The following MGAT5 variants were observed in gnomAD, a reference collection of about 807,000 sequenced individuals.
MGAT5 encodes the protein alpha-1,6-mannosylglycoprotein 6-beta-N-acetylglucosaminyltransferase.
MGAT5 carries 30 observed loss-of-function variants against 94.3 expected under a neutral mutation model. The ratio of observed to expected loss-of-function variants is 0.32; its 90% CI spans 0.24 to 0.43. The LOEUF (loss-of-function observed/expected upper bound fraction) is 0.43. Ranked by LOEUF, MGAT5 falls within the 20% of genes least tolerant of loss-of-function variation. The pLI is 1.00. For missense variants in MGAT5, 691 were observed against 905.5 expected (o/e 0.76, Z 3.04); for synonymous variants, 310 against 322.9 (o/e 0.96, Z 0.43).
In MGAT5 at chr2:134,164,009, GC is replaced by G. The variant is rs1447346106; in HGVS notation, c.-143+43719del. 3.9e-5 allele frequency among the ~76,000 whole-genome samples: 6 copies of G among 152,320 alleles called. No individual in the cohort carries two copies. In the South Asian group the frequency reaches 6.2e-4, roughly 16 times the overall value. ...AATGAACAACAGAGAGAGAAGAAAT[GC>G]AGTGTGTAGGGAACCTGCAGGTGGT... On this transcript the variant is annotated intron_variant, in intron 1 of 16. Coordinates refer to the MGAT5 transcript ENST00000409645.
intron 2 of MGAT5, among the ~76,000 whole-genome samples, chr2:134,275,939 A>G (rs1189045693): frequency 6.6e-6 from 1 of 152,096 alleles, no homozygotes; most frequent in African/African-American, 2.4e-5. Context: ...GCATCCTACA[A>G]TATATAAGAC....
At chr2:134,411,938 A>G (rs1683689130) in intron 11 of MGAT5, among the ~76,000 whole-genome samples, 1 of 152,174 alleles carries the variant, frequency 6.6e-6, no homozygotes, top group South Asian at 2.1e-4. Context: ...ACAGGCTTTT[A>G]TGTGGGTAGA....
At chr2:134,421,607 A>T (rs1684297609) in intron 12 of MGAT5, among the ~76,000 whole-genome samples, 1 of 151,976 alleles carries the variant, frequency 6.6e-6, no homozygotes, top group Non-Finnish European at 1.5e-5. Context: ...AAAAAACTAG[A>T]TTCTCTAAGC....
intron 6 of MGAT5, among the ~76,000 whole-genome samples, chr2:134,340,386 G>A (rs558621771): frequency 2.0e-5 from 3 of 152,132 alleles, no homozygotes; most frequent in East Asian, 1.9e-4. Flanking sequence ...GACTAGGATC[G>A]TGTCAAAAGA....
chr2:134,261,812 T>A (rs1683357384), intron 1 of MGAT5, among the ~76,000 whole-genome samples: 1 of 152,206 alleles, frequency 6.6e-6, no homozygotes, highest in Non-Finnish European at 1.5e-5. Context: ...CATGAATGAA[T>A]AGCAGCAGCC....
Position 134,412,909 on chromosome 2 carries a change from C to CG in MGAT5, c.1571_1572insG (p.Leu525ProfsTer44). 6.2e-7 allele frequency: 1 copy of CG among 1,614,096 alleles called. No homozygotes were observed. The highest frequency in any genetic ancestry group is 8.5e-7 in the Non-Finnish European group (1 of 1,180,002). Reference sequence around the variant, plus strand: ...GGGTTCCCTTACGAGGGCCCAGCTCCCCTGGAAGCTATCGCAAATGGATGT... The same window carrying CG: ...GGGTTCCCTTACGAGGGCCCAGCTCCGCCTGGAAGCTATCGCAAATGGATGT... On this transcript the variant is annotated frameshift_variant, in exon 12 of 16. Transcript: ENST00000281923. LOFTEE classifies it high-confidence loss of function.
chr2:134,401,877 G>C (rs922374417), intron 10 of MGAT5, among the ~76,000 whole-genome samples: 2 of 152,130 alleles, frequency 1.3e-5, no homozygotes, highest in East Asian at 3.9e-4. Context: ...CTGAAGTTGA[G>C]GGTCCTTTGT....
chr2:134,444,310 G>T (rs961217881), intron 15 of MGAT5, among the ~76,000 whole-genome samples: 2 of 152,204 alleles, frequency 1.3e-5, no homozygotes, highest in Non-Finnish European at 2.9e-5. Flanking sequence ...AAAGGACTTG[G>T]CGTGGGGCTG....
intron 1 of MGAT5, chr2:134,120,308 C>T (rs2104854381): frequency 2.6e-6 from 1 of 391,600 alleles, no homozygotes; most frequent in Non-Finnish European, 4.5e-6. Flanking sequence ...GCTGCCGGAT[C>T]CGGGTGATCG....
upstream of MGAT5, among the ~76,000 whole-genome samples, chr2:134,249,320 A>G (rs978318202): frequency 4.0e-5 from 6 of 151,844 alleles, no homozygotes; most frequent in African/African-American, 1.5e-4. Flanking sequence ...GTATGTCCAC[A>G]GAATTATGCT....
chr2:134,384,055 T>C (rs982595891), intron 10 of MGAT5, among the ~76,000 whole-genome samples: 2 of 152,164 alleles, frequency 1.3e-5, no homozygotes, highest in Admixed American at 6.5e-5. Flanking sequence ...AAAAATTTTA[T>C]GTAATTCACA....
chr2:134,249,512 GT>G (rs1388517904), upstream of MGAT5, among the ~76,000 whole-genome samples: 19 of 152,076 alleles, frequency 1.2e-4, no homozygotes, highest in Non-Finnish European at 2.4e-4. Flanking sequence ...TGCAATATGT[GT>G]TTTTTTGTTA....
At chr2:134,293,104 C>T (rs1249909262) in intron 2 of MGAT5, among the ~76,000 whole-genome samples, 2 of 152,214 alleles carry the variant, frequency 1.3e-5, no homozygotes, top group East Asian at 3.8e-4. Flanking sequence ...GTAGCCTATT[C>T]TCATTTCATT....
intron 2 of MGAT5, among the ~76,000 whole-genome samples, chr2:134,286,082 C>T (rs1209422721): frequency 6.6e-6 from 1 of 152,012 alleles, no homozygotes; most frequent in Non-Finnish European, 1.5e-5. Flanking sequence ...TGTGCCAAGC[C>T]ACACATCAGT....
chr2:134,355,332 A>G (rs570678626), intron 9 of MGAT5, among the ~76,000 whole-genome samples: 2 of 147,762 alleles, frequency 1.4e-5, no homozygotes, highest in Non-Finnish European at 3.0e-5. Context: ...TTTCCACTTA[A>G]TATATCATCT....
rs1686233507 is a variant in MGAT5 at position 134,454,000 on chromosome 2, T to C, written c.*5153T>C. 1 of 152,194 alleles carries C rather than the reference T, an allele frequency of 6.6e-6. No individual in the cohort carries two copies. The highest frequency in any genetic ancestry group is 2.4e-5 in the African/African-American group (1 of 41,430). The allele number at this position is 152,194 out of a possible 1,614,324, so 9.4% of individuals were successfully genotyped here. The stretch of plus-strand genomic sequence containing the variant: ...TTCGTCAAATTCCTTTGGATTCTGT[T>C]CCGCCAAATCAGCAGTCTCGTCCTG... On this transcript the variant is annotated 3_prime_UTR_variant, in exon 16 of 16. Transcript: ENST00000281923.
At chr2:134,403,483 T>C (rs1477302672) in intron 11 of MGAT5, among the ~76,000 whole-genome samples, 1 of 152,226 alleles carries the variant, frequency 6.6e-6, no homozygotes, top group African/African-American at 2.4e-5. Flanking sequence ...CCAGGGGTGC[T>C]GAACTCTTCC....
chr2:134,385,674 A>G (rs1329108234), intron 10 of MGAT5, among the ~76,000 whole-genome samples: 1 of 152,206 alleles, frequency 6.6e-6, no homozygotes, highest in East Asian at 1.9e-4. Context: ...TTTAAAAGGT[A>G]CACACGTAAG....
chr2:134,445,581 C>G (rs969518856), intron 15 of MGAT5, among the ~76,000 whole-genome samples: 2 of 152,002 alleles, frequency 1.3e-5, no homozygotes, highest in African/African-American at 4.8e-5. Flanking sequence ...TGACTTCAGT[C>G]ACAGCGTGGT....
Sources: gnomAD v4.1 joint callset for allele counts (sites outside exome capture counted in the v4.1 genomes callset) on GRCh38, gnomAD v4.1.1 for gene constraint, MANE v1.5 for transcripts, NCBI Gene and HGNC (gene_info 2026-07-23, HGNC 2026-07-21) for gene names.